SLC17A6: variants seen among roughly 807,000 people sequenced by gnomAD.
SLC17A6 encodes the protein vesicular glutamate transporter 2.
In SLC17A6, 35 loss-of-function variants were observed where a neutral mutation model predicts 67.1. The ratio of observed to expected loss-of-function variants is 0.52; its 90% CI spans 0.40 to 0.69. SLC17A6 has a LOEUF of 0.69. Among genes scored for constraint, SLC17A6 ranks in the 30% least tolerant of loss-of-function variants. The pLI is 0.00. For synonymous variants in SLC17A6, 285 were observed against 252.3 expected, an observed-to-expected ratio of 1.13 and a Z score of -1.23; for missense variants, 588 against 723.9, an observed-to-expected ratio of 0.81 and a Z score of 2.15.
At chr11:22,354,104 A>G (rs1159032703) in intron 3 of SLC17A6, among the ~76,000 whole-genome samples, 1 of 151,104 alleles carries the variant, frequency 6.6e-6, no homozygotes, top group African/African-American at 2.4e-5. Flanking sequence ...TTTTTTTGAG[A>G]CAGAGTTTTG....
At position 22,379,196 on chromosome 11, in the gene SLC17A6, G is replaced by T. The variant is rs2133882104; in HGVS notation, c.*1456G>T. ...CCCCTTTATAATGTCCTAAAATTAT[G>T]ATAATACATTTCCCAATTCAACTCA... On this transcript the variant is annotated 3_prime_UTR_variant, in exon 12 of 12. Coordinates refer to ENST00000263160, the MANE Select transcript of SLC17A6 (RefSeq NM_020346.3). 1 of 152,512 alleles carries T rather than the reference G, an allele frequency of 6.6e-6. No individual in the cohort carries two copies. The highest frequency in any genetic ancestry group is 2.4e-5 in the African/African-American group (1 of 41,514). The allele number at this position is 152,512 out of a possible 1,614,324, so 9.4% of individuals were successfully genotyped here. A position where few individuals can be genotyped will look rare whatever the true frequency, so the allele number is the denominator to read the frequency against.
chr11:22,343,147 C>A (rs944437434), intron 2 of SLC17A6, 100 bp from the exon 3 acceptor site: 1 of 981,872 alleles, frequency 1.0e-6, no homozygotes, highest in African/African-American at 1.6e-5. Flanking sequence ...GCATGAAGCG[C>A]CCAAGCCTTG....
intron 4 of SLC17A6, among the ~76,000 whole-genome samples, chr11:22,359,786 TA>T (rs5790257): frequency 6.3e-4 from 94 of 150,132 alleles, no homozygotes; most frequent in South Asian, 4.2e-3. Context: ...CTATTTGACT[TA>T]AAAAAAAACA....
In SLC17A6 at chr11:22,376,659, T is replaced by C. The variant is rs776100100; in HGVS notation, c.1400T>C (p.Met467Thr). Reference protein sequence around the residue: ...GMVCPIIVGAMTKNKSREEWQ... With the variant: ...GMVCPIIVGATTKNKSREEWQ... ...GTTTGTCCTATCATTGTTGGTGCAA[T>C]GACAAAGAATAAGGTAAGATGGTCA... The change falls in exon 11 of 12, where the codon ATG (methionine) becomes ACG (threonine). Residue 467 changes from methionine (M) to threonine (T), a missense_variant. This residue lies in a region of SLC17A6 where 414 missense variants were observed against 563.4 expected (regional missense o/e 0.73). Transcript: ENST00000263160. 2 of 1,613,904 alleles carry C rather than the reference T, an allele frequency of 1.2e-6. No individual in the cohort carries two copies. The highest frequency in any genetic ancestry group is 1.7e-6 in the Non-Finnish European group (2 of 1,179,870).
At chr11:22,362,434 A>T (rs1856063435) in intron 5 of SLC17A6, 1 of 410,418 alleles carries the variant, frequency 2.4e-6, no homozygotes, top group Admixed American at 3.7e-5. Flanking sequence ...CTCTGTCCCA[A>T]GTCCAGCACA....
intron 3 of SLC17A6, among the ~76,000 whole-genome samples, chr11:22,359,182 G>C (rs1856021720): frequency 6.6e-6 from 1 of 152,058 alleles, no homozygotes; most frequent in Non-Finnish European, 1.5e-5. Flanking sequence ...CAAATGTATT[G>C]ACTCCTTTTA....
rs1971865 is a variant in SLC17A6 at position 22,377,641 on chromosome 11, C to T, written c.1650C>T (p.Ala550=). ...TTKSYGATTQ[A]NGGWPSGWEK... Reference sequence around the variant, plus strand: ...AGTCTTATGGTGCCACAACACAGGCCAATGGAGGTTGGCCTAGTGGTTGGG... The same window carrying T: ...AGTCTTATGGTGCCACAACACAGGCTAATGGAGGTTGGCCTAGTGGTTGGG... The change falls in exon 12 of 12, where the codon GCC becomes GCT. Residue 550 remains alanine, a synonymous_variant. Coordinates refer to ENST00000263160, the MANE Select transcript of SLC17A6 (RefSeq NM_020346.3). 18,165 of 1,613,880 alleles carry T rather than the reference C, an allele frequency of 0.011. 1,313 individuals carry two copies. The African/African-American group carries it at 0.18, about 16-fold the overall frequency.
rs1237187894 is a variant in SLC17A6 at position 22,339,067 on chromosome 11, ATATATATATGT to A, written c.86+458_86+468del. Among the ~76,000 whole-genome samples, 438 of 124,156 alleles carry A rather than the reference ATATATATATGT, an allele frequency of 3.5e-3. 22 individuals are homozygous for A. In the East Asian group the frequency reaches 0.065, roughly 18 times the overall value. 81.5% of individuals were successfully genotyped at this position (124,156 alleles called of 152,430 possible). On this transcript the variant is annotated intron_variant, in intron 1 of 11. Transcript: ENST00000263160. ...AATTCCAAAGAGTAATGGTTTATAT[ATATATATATGT>A]TATATATATATGTTATATATATATG... is the stretch of plus-strand genomic sequence containing the variant.
chr11:22,351,162 A>G (rs1266793382), intron 3 of SLC17A6, among the ~76,000 whole-genome samples: 2 of 152,120 alleles, frequency 1.3e-5, no homozygotes, highest in Admixed American at 6.6e-5. Context: ...GAATCAAATA[A>G]TAAGTATATA....
chr11:22,370,793 A>T (rs924032365), intron 8 of SLC17A6, among the ~76,000 whole-genome samples: 5 of 152,278 alleles, frequency 3.3e-5, no homozygotes, highest in South Asian at 4.1e-4. Flanking sequence ...GTAAACGTGA[A>T]AGTAAGTTAC....
rs1417365734 is a variant in SLC17A6 at position 22,339,166 on chromosome 11, TTA to T, written c.86+557_86+558del. 6.9e-4 allele frequency among the ~76,000 whole-genome samples: 34 copies of T among 48,944 alleles called. 2 individuals are homozygous for T. Among genetic ancestry groups the T allele is most frequent in the Admixed American group, 4.3e-3 (14 of 3,282 alleles). 32.1% of individuals were successfully genotyped at this position (48,944 alleles called of 152,430 possible). The stretch of plus-strand genomic sequence containing the variant: ...TGTTATATATAGTTATATATATATG[TTA>T]TATATATATGTTTTATATATATATA... On this transcript the variant is annotated intron_variant, in intron 1 of 11. Coordinates refer to ENST00000263160, the MANE Select transcript of SLC17A6 (RefSeq NM_020346.3).
intron 3 of SLC17A6, among the ~76,000 whole-genome samples, chr11:22,350,227 T>C (rs1855923235): frequency 6.6e-6 from 1 of 152,208 alleles, no homozygotes; most frequent in South Asian, 2.1e-4. Flanking sequence ...CATTTCTGTG[T>C]CATGATTACT....
chr11:22,340,088 C>T (rs1855798287), intron 1 of SLC17A6, among the ~76,000 whole-genome samples: 1 of 152,154 alleles, frequency 6.6e-6, no homozygotes, highest in African/African-American at 2.4e-5. Context: ...TTCGGGTGGC[C>T]TCAAACTTCT....
chr11:22,362,277 C>A, intron 5 of SLC17A6: 1 of 438,810 alleles, frequency 2.3e-6, no homozygotes, highest in Non-Finnish European at 4.5e-6. Context: ...ATCATGGATA[C>A]TAACAAAGAG....
At chr11:22,345,034 A>C (rs1855861096) in intron 3 of SLC17A6, among the ~76,000 whole-genome samples, 1 of 152,168 alleles carries the variant, frequency 6.6e-6, no homozygotes, top group Non-Finnish European at 1.5e-5. Context: ...TCTCAATATG[A>C]TGTCAAATGA....
At chr11:22,346,561 G>A (rs1855878105) in intron 3 of SLC17A6, among the ~76,000 whole-genome samples, 1 of 151,970 alleles carries the variant, frequency 6.6e-6, no homozygotes, top group South Asian at 2.1e-4. Flanking sequence ...TCACCTCCAG[G>A]AAAGGCCTTA....
At chr11:22,375,775 T>C (rs1441415788) in intron 9 of SLC17A6, among the ~76,000 whole-genome samples, 1 of 152,214 alleles carries the variant, frequency 6.6e-6, no homozygotes, top group Non-Finnish European at 1.5e-5. Flanking sequence ...CCACCGCATC[T>C]GGCCTGGATG....
chr11:22,365,922 A>T (rs1208929729), intron 7 of SLC17A6, among the ~76,000 whole-genome samples: 1 of 152,126 alleles, frequency 6.6e-6, no homozygotes, highest in East Asian at 1.9e-4. Flanking sequence ...ACACTGGGTG[A>T]TAACTATGAC....
chr11:22,340,228 G>A (rs1420791111), intron 1 of SLC17A6, among the ~76,000 whole-genome samples: 2 of 152,130 alleles, frequency 1.3e-5, no homozygotes, highest in African/African-American at 2.4e-5. Context: ...GCAATTACAC[G>A]GTAGATTGGA....
Sources: gnomAD v4.1 joint callset for allele counts (sites outside exome capture counted in the v4.1 genomes callset) on GRCh38, gnomAD v4.1.1 for gene constraint, gnomAD v4.1.1 regional missense constraint, MANE v1.5 for transcripts, NCBI Gene and HGNC (gene_info 2026-07-23, HGNC 2026-07-21) for gene names.